ZNF469: variants seen among roughly 807,000 people sequenced by gnomAD.
The protein encoded by ZNF469 is zinc finger protein 469.
In ZNF469, 1 loss-of-function variant was observed where a neutral mutation model predicts 1.0. That is an observed-to-expected ratio of 1.00 (90% CI 0.35 to 4.73). The LOEUF is 4.73. ZNF469 is among the 30% of genes most tolerant of loss of function. ZNF469 has a pLI of 0.16. For missense variants in ZNF469, 6,100 were observed against 5,356.3 expected (o/e 1.14, Z -4.33); for synonymous variants, 2,703 against 2,363.4 (o/e 1.14, Z -4.17).
At chr16:88,343,124 C>A in the ZNF469 span, among the ~76,000 whole-genome samples, 1 of 152,230 alleles carries the variant, frequency 6.6e-6, no homozygotes, top group African/African-American at 2.4e-5. Context: ...CACATGGGGA[C>A]TGAGAAGCAC....
intron 1 of ZNF469, among the ~76,000 whole-genome samples, chr16:88,414,771 C>A (rs1304246105): frequency 6.6e-6 from 1 of 152,252 alleles, no homozygotes; most frequent in Non-Finnish European, 1.5e-5. Context: ...GGCACAGGGC[C>A]ACCCCTCACC....
chr16:88,300,548 C>G, the ZNF469 span, among the ~76,000 whole-genome samples: 6 of 152,074 alleles, frequency 3.9e-5, no homozygotes, highest in African/African-American at 1.4e-4. Context: ...CAGCAGGGAG[C>G]GCTTCTCTCG....
At chr16:88,205,864 C>A in the ZNF469 span, among the ~76,000 whole-genome samples, 1 of 152,150 alleles carries the variant, frequency 6.6e-6, no homozygotes, top group Non-Finnish European at 1.5e-5. This position sits in a 1 kb window ranked among gnomAD's most constrained non-coding sequence, Gnocchi z 4.2. Flanking sequence ...GAAAGAAATT[C>A]TGAAAACCAA....
chr16:88,378,812 T>G (rs980413106), upstream of ZNF469, among the ~76,000 whole-genome samples: 21 of 152,160 alleles, frequency 1.4e-4, no homozygotes, highest in Admixed American at 3.9e-4. Context: ...AGATCACAGG[T>G]GAAGCTTGCT....
rs281865146 is a variant in ZNF469, at chr16:88,429,533, C to A, written c.2063C>A (p.Thr688Asn). The A allele has an allele frequency of 9.7e-6, 15 of 1,549,968 alleles. No individual in the cohort carries two copies. The Admixed American group carries it at 2.0e-4, about 20-fold the overall frequency. Residue 688 changes from threonine to asparagine, a missense_variant, in exon 3 of 3, where the codon ACC (threonine) becomes AAC (asparagine). Physicochemically the swap from Thr to Asn is moderately conservative, Grantham distance 65 (BLOSUM62 0). Transcript: ENST00000565624. ...AEGAFQCLEE[T>N]PFPHEGPEVG... The stretch of plus-strand genomic sequence containing the variant: ...GGTGCCTTCCAGTGCCTGGAGGAGA[C>A]CCCATTCCCCCACGAGGGCCCCGAG...
In ZNF469 at chr16:88,437,795, G is replaced by A. The variant is rs199528724; in HGVS notation, c.10325G>A (p.Arg3442Lys). 57 of 1,545,130 alleles carry A rather than the reference G, an allele frequency of 3.7e-5. No individual in the cohort carries two copies. Among genetic ancestry groups the A allele is most frequent in the Non-Finnish European group, 4.2e-5 (48 of 1,143,368 alleles). ...GACCGCCACATGAACAAGCACCTCA[G>A]GGGGGGGCGGCAGCCCTTCGCGTTC... is the stretch of plus-strand genomic sequence containing the variant. ...QFDRHMNKHL[R>K]GGRQPFAFRG... Residue 3442 changes from arginine to lysine, a missense_variant, in exon 3 of 3, where the codon AGG becomes AAG. By Grantham distance (26) the Arg-to-Lys change is conservative. Transcript: ENST00000565624.
chr16:88,243,942 AT>A, the ZNF469 span, among the ~76,000 whole-genome samples: 39 of 112,508 alleles, frequency 3.5e-4, no homozygotes, highest in East Asian at 8.3e-4. Context: ...ATATATATAT[AT>A]ATATATATAA....
chr16:88,242,458 T>C, the ZNF469 span, among the ~76,000 whole-genome samples: 1 of 152,290 alleles, frequency 6.6e-6, no homozygotes, highest in Middle Eastern at 3.4e-3. Context: ...TGTGCATCTA[T>C]GTCCTAATCT....
At chr16:88,154,103 T>C in the ZNF469 span, among the ~76,000 whole-genome samples, 281 of 152,350 alleles carry the variant, frequency 1.8e-3, 3 homozygotes, top group Middle Eastern at 6.8e-3. Flanking sequence ...TGGTGTGTAA[T>C]GGCACCTTGC....
At chr16:88,105,706 C>T in the ZNF469 span, among the ~76,000 whole-genome samples, 192 of 152,342 alleles carry the variant, frequency 1.3e-3, 1 homozygote, top group African/African-American at 4.6e-3. Context: ...GAGCTGAAAG[C>T]CTGAGTGCTA....
intron 1 of ZNF469, among the ~76,000 whole-genome samples, chr16:88,404,840 C>G (rs1532631): frequency 6.6e-6 from 1 of 152,028 alleles, no homozygotes; most frequent in Admixed American, 6.5e-5. Flanking sequence ...CTGGGTCACC[C>G]GTGAATCCCC....
intron 1 of ZNF469, among the ~76,000 whole-genome samples, chr16:88,415,735 C>G (rs1905284646): frequency 6.6e-6 from 1 of 152,224 alleles, no homozygotes; most frequent in Non-Finnish European, 1.5e-5. Flanking sequence ...GCCCTGGAAC[C>G]CAGCACTGAC....
At chr16:88,111,930 C>T in the ZNF469 span, among the ~76,000 whole-genome samples, 166 of 152,260 alleles carry the variant, frequency 1.1e-3, no homozygotes, top group Non-Finnish European at 1.8e-3. Context: ...CCACCGCGCC[C>T]GGCCAAAAAC....
the ZNF469 span, among the ~76,000 whole-genome samples, chr16:88,323,154 C>T: frequency 4.6e-5 from 7 of 152,202 alleles, no homozygotes; most frequent in Non-Finnish European, 8.8e-5. Context: ...CCATGTTGTG[C>T]AGTCAGGAGC....
chr16:88,173,089 A>G, the ZNF469 span, among the ~76,000 whole-genome samples: 2 of 152,212 alleles, frequency 1.3e-5, no homozygotes, highest in Non-Finnish European at 2.9e-5. Flanking sequence ...AATTTGTTGG[A>G]AAGTATAAAC....
the ZNF469 span, among the ~76,000 whole-genome samples, chr16:88,318,739 G>A: frequency 7.9e-5 from 12 of 152,382 alleles, no homozygotes; most frequent in South Asian, 6.2e-4. Flanking sequence ...CTTGGAGCTC[G>A]GAGGAGGGGA....
At chr16:88,144,801 T>A in the ZNF469 span, among the ~76,000 whole-genome samples, 1 of 152,204 alleles carries the variant, frequency 6.6e-6, no homozygotes, top group Admixed American at 6.5e-5. Flanking sequence ...GTGTCCATAT[T>A]CTAGAGTCTC....
At chr16:88,117,317 T>A in the ZNF469 span, among the ~76,000 whole-genome samples, 13 of 152,202 alleles carry the variant, frequency 8.5e-5, no homozygotes, top group African/African-American at 2.9e-4. Flanking sequence ...GACAGATGCG[T>A]GTGGCTCTCT....
the ZNF469 span, among the ~76,000 whole-genome samples, chr16:88,185,062 G>T: frequency 1.4e-5 from 2 of 145,988 alleles, no homozygotes; most frequent in Non-Finnish European, 3.0e-5. Context: ...CCCACGCACA[G>T]ACACTCACAC....
Sources: allele counts gnomAD v4.1 joint callset (sites outside exome capture counted in the v4.1 genomes callset), GRCh38; gene constraint gnomAD v4.1.1; non-coding constraint Gnocchi (gnomAD v3.1); transcripts MANE v1.5; gene names NCBI Gene and HGNC (gene_info 2026-07-23, HGNC 2026-07-21).